The following ARHGAP45 variants were observed in gnomAD, a reference collection of about 807,000 sequenced individuals.
The protein encoded by ARHGAP45 is Rho GTPase activating protein 45.
Under a neutral mutation model 116.1 loss-of-function variants are expected in ARHGAP45, and 56 were observed. That is an observed-to-expected ratio of 0.48 (90% CI 0.39 to 0.60). ARHGAP45 has a LOEUF of 0.60. ARHGAP45 is among the 20% of genes least tolerant of loss of function. ARHGAP45 has a pLI of 0.00. For synonymous variants in ARHGAP45, 866 were observed against 701.7 expected, an observed-to-expected ratio of 1.23 and a Z score of -3.70; for missense variants, 1,622 against 1,601.0, an observed-to-expected ratio of 1.01 and a Z score of -0.22.
intron 5 of ARHGAP45, 36 bp downstream of exon 5, chr19:1,073,782 T>G: frequency 1.3e-6 from 2 of 1,559,198 alleles, no homozygotes; most frequent in East Asian, 4.8e-5. Flanking sequence ...TGTGTCCAGC[T>G]TCTGGAGGCC....
rs570878719 is a variant in ARHGAP45 at position 1,077,524 on chromosome 19, C to T, written c.1186-333C>T. 164 of 1,018,970 alleles carry T rather than the reference C, an allele frequency of 1.6e-4. 2 individuals carry two copies. The African/African-American group carries it at 2.5e-3, about 16-fold the overall frequency. The allele number at this position is 1,018,970 out of a possible 1,614,324, so 63.1% of individuals were successfully genotyped here. A position where few individuals can be genotyped will look rare whatever the true frequency, so the allele number is the denominator to read the frequency against. On this transcript the variant is annotated intron_variant, in intron 10 of 22. Transcript: ENST00000313093. Reference sequence around the variant, plus strand: ...TCAGCCTCCCGAGTAGCTGGGATTACAAGCGTGCACCACAATGCCCGGCTA... The same window carrying T: ...TCAGCCTCCCGAGTAGCTGGGATTATAAGCGTGCACCACAATGCCCGGCTA...
intron 2 of ARHGAP45, among the ~76,000 whole-genome samples, chr19:1,072,813 G>A (rs1599754127): frequency 1.3e-5 from 2 of 152,344 alleles, no homozygotes; most frequent in South Asian, 2.1e-4. Context: ...TGAGGAGTTA[G>A]GGCAGGGAAG....
rs1420640659 is a variant in ARHGAP45, at chr19:1,085,641, A to G, written c.3065-19A>G. On this transcript the variant is annotated intron_variant, in intron 22 of 22. Coordinates refer to ENST00000313093, the MANE Select transcript of ARHGAP45 (RefSeq NM_012292.5). Reference sequence around the variant, plus strand: ...TCTCTCCTGTCTGTCTCCCCCCGCCATCTGTCTCCCTTTCTTAGAATCCCG... The same window carrying G: ...TCTCTCCTGTCTGTCTCCCCCCGCCGTCTGTCTCCCTTTCTTAGAATCCCG... 2.0e-6 allele frequency: 3 copies of G among 1,497,122 alleles called. No homozygotes were observed. The highest frequency in any genetic ancestry group is 2.1e-5 in the Admixed American group (1 of 47,796). The allele number at this position is 1,497,122 out of a possible 1,614,324, so 92.7% of individuals were successfully genotyped here.
Position 1,081,035 on chromosome 19 carries a change from G to A in ARHGAP45, c.2161G>A (p.Val721Ile), listed in dbSNP as rs755930265. ...PAKCRECNSY[V>I]YFQGAECEEC... ...CAAGTGCCGCGAGTGCAACAGCTAC[G>A]TCTACTTCCAGGGTGCTGAGTGTGA... The change falls in exon 17 of 23, where the codon GTC becomes ATC. Residue 721 changes from valine to isoleucine, a missense_variant. Transcript: ENST00000313093. 2 of 1,609,154 alleles carry A rather than the reference G, an allele frequency of 1.2e-6. No homozygotes were observed. The highest frequency in any genetic ancestry group is 2.2e-5 in the East Asian group (1 of 44,720).
chr19:1,067,548 G>A (rs1443263842), intron 1 of ARHGAP45, 53 bp downstream of exon 1: 2 of 1,490,322 alleles, frequency 1.3e-6, no homozygotes, highest in Non-Finnish European at 1.8e-6. Context: ...CAGGGGGACA[G>A]GGACCCGCCC....
At chr19:1,085,537 T>TCCTGTCTCTCCCCATCTCA in intron 22 of ARHGAP45, 123 bp from the exon 23 acceptor site, 1 of 659,638 alleles carries the variant, frequency 1.5e-6, no homozygotes. Flanking sequence ...TCCCCATCTC[T>TCCTGTCTCTCCCCATCTCA]CCTGTCTCTC....
chr19:1,069,455 C>CCAGG lies in ARHGAP45; in HGVS notation c.421+713_421+716dup, dbSNP rs2043098681. Among the ~76,000 whole-genome samples the CCAGG allele has an allele frequency of 6.6e-6, 1 of 152,268 alleles. No homozygotes were observed. Among genetic ancestry groups the CCAGG allele is most frequent in the African/African-American group, 2.4e-5 (1 of 41,470 alleles). On this transcript the variant is annotated intron_variant, in intron 2 of 22. Transcript: ENST00000313093. The surrounding 1 kb of genome is among the most constrained non-coding windows in gnomAD (Gnocchi z 4.1). The stretch of plus-strand genomic sequence containing the variant: ...CAGAAACCACAGTGCCAGGGTCATG[C>CCAGG]CAGGCGCTCTGATCTGCTCCCAGCA...
chr19:1,084,699 A>C (rs2043550198), intron 22 of ARHGAP45, among the ~76,000 whole-genome samples: 2 of 152,140 alleles, frequency 1.3e-5, no homozygotes, highest in Admixed American at 6.5e-5. Context: ...AGTTTGACCC[A>C]CGTGGGGCCA....
intron 2 of ARHGAP45, among the ~76,000 whole-genome samples, chr19:1,070,404 C>G (rs1257413127): frequency 6.9e-6 from 1 of 144,252 alleles, no homozygotes; most frequent in East Asian, 2.0e-4. Flanking sequence ...GATCTCAGCT[C>G]ACTGCAACCT....
chr19:1,085,602 T>C, intron 22 of ARHGAP45, 58 bp from the exon 23 acceptor site: 1 of 1,293,720 alleles, frequency 7.7e-7, no homozygotes, highest in South Asian at 1.5e-5. Flanking sequence ...GTCCCTCCCC[T>C]TGTCTCTCCT....
rs749449237 is a variant in ARHGAP45 at position 1,085,872 on chromosome 19, C to A, written c.3277C>A (p.Pro1093Thr). ...GGACGGGGACGGGGACGAGGACGGCCCGGCCCAGCAGCTCTCAGGATTCAA... is the reference window on the plus strand; with the variant it reads ...GGACGGGGACGGGGACGAGGACGGCACGGCCCAGCAGCTCTCAGGATTCAA... ...REDGDGDEDG[P>T]AQQLSGFNTN... The change falls in exon 23 of 23, where the codon CCG becomes ACG. Residue 1093 changes from proline (P) to threonine (T), a missense_variant. Pro to Thr is a conservative substitution (Grantham distance 38, BLOSUM62 -1). Coordinates refer to ENST00000313093, the MANE Select transcript of ARHGAP45 (RefSeq NM_012292.5). The A allele has an allele frequency of 6.8e-6, 11 of 1,609,948 alleles. No homozygotes were observed. The highest frequency in any genetic ancestry group is 8.5e-6 in the Non-Finnish European group (10 of 1,179,694).
rs1209558584 is a variant in ARHGAP45, at chr19:1,085,714, T to C, written c.3119T>C (p.Leu1040Pro). The change falls in exon 23 of 23, where the codon CTG becomes CCG. Residue 1040 changes from leucine to proline, a missense_variant. This residue lies in a region of ARHGAP45 where 1,334 missense variants were observed against 1,263.8 expected (regional missense o/e 1.06). Transcript: ENST00000313093. ...TCGGACCTAGAGGAGGCCTCCGAGC[T>C]GCTGTCCTCATCGGAGGCCAGTGCC... ...SDSDLEEASE[L>P]LSSSEASALG... is the part of the protein sequence containing the mutation. 4 of 1,610,412 alleles carry C rather than the reference T, an allele frequency of 2.5e-6. No individual in the cohort carries two copies. The highest frequency in any genetic ancestry group is 2.5e-6 in the Non-Finnish European group (3 of 1,178,280).
intron 17 of ARHGAP45, among the ~76,000 whole-genome samples, 190 bp downstream of exon 17, chr19:1,081,254 G>T (rs1485595397): frequency 6.6e-6 from 1 of 152,140 alleles, no homozygotes; most frequent in Non-Finnish European, 1.5e-5. Flanking sequence ...GCTCTCTGAG[G>T]CAGCGAGGCA....
chr19:1,079,921 C>G lies in ARHGAP45; in HGVS notation c.1513-7C>G. Reference sequence around the variant, plus strand: ...CTGACCCCTCCGCTCTCCGGTGCCGCCCGCAGGCCACGATCTCCTACTACC... The same window carrying G: ...CTGACCCCTCCGCTCTCCGGTGCCGGCCGCAGGCCACGATCTCCTACTACC... On this transcript the variant is annotated splice_region_variant and splice_polypyrimidine_tract_variant and intron_variant, in intron 12 of 22. Transcript: ENST00000313093. The G allele has an allele frequency of 6.2e-7, 1 of 1,603,274 alleles. No individual in the cohort carries two copies. The highest frequency in any genetic ancestry group is 8.5e-7 in the Non-Finnish European group (1 of 1,172,140).
At chr19:1,073,805 G>A in intron 5 of ARHGAP45, 59 bp downstream of exon 5, 1 of 1,544,852 alleles carries the variant, frequency 6.5e-7, no homozygotes, top group African/African-American at 1.4e-5. Context: ...CCGGGTTCAG[G>A]TCTGCAGGGC....
At position 1,081,637 on chromosome 19, in the gene ARHGAP45, G is replaced by A; in HGVS notation, c.2278G>A (p.Gly760Ser). The A allele has an allele frequency of 6.3e-7, 1 of 1,575,810 alleles. No homozygotes were observed. Among genetic ancestry groups the A allele is most frequent in the Non-Finnish European group, 8.6e-7 (1 of 1,161,116 alleles). Residue 760 changes from glycine to serine, a missense_variant, in exon 18 of 23, where the codon GGC (glycine) becomes AGC (serine). By Grantham distance (56) the Gly-to-Ser change is moderately conservative. This residue lies in a region of ARHGAP45 where 1,334 missense variants were observed against 1,263.8 expected (regional missense o/e 1.06). Transcript: ENST00000313093. ...KKLQGRLQLF[G>S]QDFSHAARSA... is the part of the protein sequence containing the mutation. ...GCTGCAAGGCCGCCTGCAGCTGTTC[G>A]GCCAGGACTTCAGCCACGCGGCCCG...
chr19:1,078,310 A>AT (rs368544523), intron 11 of ARHGAP45, among the ~76,000 whole-genome samples: 1 of 150,760 alleles, frequency 6.6e-6, no homozygotes, highest in African/African-American at 2.4e-5. Flanking sequence ...CGCCTGGCTA[A>AT]TTTTTTGTAT....
At position 1,086,158 on chromosome 19, in the gene ARHGAP45, C is replaced by T; in HGVS notation, c.*152C>T. 1 of 661,854 alleles carries T rather than the reference C, an allele frequency of 1.5e-6. No homozygotes were observed. The highest frequency in any genetic ancestry group is 2.6e-6 in the Non-Finnish European group (1 of 390,246). The allele number at this position is 661,854 out of a possible 1,614,324, so 41.0% of individuals were successfully genotyped here. ...TCGACGTCCCACCAGCGGGCGCCTCCTCCCAGAGGCTTCCAGGAGCACGAG... is the reference window on the plus strand; with the variant it reads ...TCGACGTCCCACCAGCGGGCGCCTCTTCCCAGAGGCTTCCAGGAGCACGAG... On this transcript the variant is annotated 3_prime_UTR_variant, in exon 23 of 23. Coordinates refer to ENST00000313093, the MANE Select transcript of ARHGAP45 (RefSeq NM_012292.5).
intron 10 of ARHGAP45, among the ~76,000 whole-genome samples, chr19:1,076,317 G>A (rs1358569685): frequency 6.6e-6 from 1 of 152,002 alleles, no homozygotes; most frequent in East Asian, 1.9e-4. Context: ...ACTGGACAGT[G>A]GCTTATCATT....
Sources: allele counts gnomAD v4.1 joint callset (sites outside exome capture counted in the v4.1 genomes callset), GRCh38; gene constraint gnomAD v4.1.1; regional missense constraint gnomAD v4.1.1; non-coding constraint Gnocchi (gnomAD v3.1); transcripts MANE v1.5; gene names NCBI Gene and HGNC (gene_info 2026-07-23, HGNC 2026-07-21).